Variants in PTH2R observed in about 807,000 individuals in gnomAD.
PTH2R encodes the protein PTH2 receptor.
PTH2R carries 59 observed loss-of-function variants against 60.3 expected under a neutral mutation model. That is an observed-to-expected ratio of 0.98 (90% CI 0.79 to 1.22). The LOEUF is 1.22. PTH2R is among the 50% of genes most tolerant of loss of function. The pLI, the probability that PTH2R is intolerant of heterozygous loss-of-function variation, is 0.00. For missense variants in PTH2R, 749 were observed against 682.6 expected (o/e 1.10, Z -1.08); for synonymous variants, 256 against 243.8 (o/e 1.05, Z -0.47).
At chr2:208,474,960 G>C (rs1702967416) in intron 9 of PTH2R, among the ~76,000 whole-genome samples, 1 of 152,176 alleles carries the variant, frequency 6.6e-6, no homozygotes, top group Non-Finnish European at 1.5e-5. Context: ...GGTAACAACT[G>C]TAAATAACTG....
chr2:208,393,763 T>C (rs977691369), intron 1 of PTH2R, among the ~76,000 whole-genome samples: 1 of 152,182 alleles, frequency 6.6e-6, no homozygotes, highest in Non-Finnish European at 1.5e-5. Context: ...ATCAGAAAAT[T>C]GGCCTAAGTC....
intron 1 of PTH2R, among the ~76,000 whole-genome samples, chr2:208,427,811 A>G (rs1019617698): frequency 2.0e-5 from 3 of 151,502 alleles, no homozygotes; most frequent in African/African-American, 7.3e-5. Flanking sequence ...GAATTATAAT[A>G]TTGCAGGAAA....
At chr2:208,428,925 A>G (rs1701914158) in intron 2 of PTH2R, among the ~76,000 whole-genome samples, 1 of 152,086 alleles carries the variant, frequency 6.6e-6, no homozygotes, top group East Asian at 1.9e-4. Flanking sequence ...TCTCTACTAA[A>G]AATGCAAAAA....
intron 2 of PTH2R, among the ~76,000 whole-genome samples, chr2:208,428,597 T>G (rs890949543): frequency 6.6e-6 from 1 of 152,232 alleles, no homozygotes; most frequent in African/African-American, 2.4e-5. Flanking sequence ...GTAGAGAGCA[T>G]GCATACTGAT....
At chr2:208,360,984 G>T in intron 1 of PTH2R, 1 of 227,026 alleles carries the variant, frequency 4.4e-6, no homozygotes, top group South Asian at 7.4e-5. Flanking sequence ...TGAGGATGGT[G>T]GAGCCAATGG....
chr2:208,412,940 C>G (rs913925245), intron 1 of PTH2R, among the ~76,000 whole-genome samples: 1 of 152,028 alleles, frequency 6.6e-6, no homozygotes, highest in African/African-American at 2.4e-5. Flanking sequence ...TGACATTATA[C>G]AATCCACTTT....
upstream of PTH2R, among the ~76,000 whole-genome samples, chr2:208,402,035 T>C (rs1022939661): frequency 1.3e-5 from 2 of 152,200 alleles, no homozygotes; most frequent in East Asian, 1.9e-4. Context: ...ATACCATTCA[T>C]TGCAATGCCA....
rs150733036 is a variant in PTH2R at position 208,393,838 on chromosome 2, T to G, written c.-259+33601T>G. On this transcript the variant is annotated intron_variant, in intron 1 of 12. Transcript: ENST00000617735. ...TTGAACCCTTATGGCACCACTCCCA[T>G]CAGGCATTTCCTGCAGAGGTAAGAG... 2.1e-3 allele frequency among the ~76,000 whole-genome samples: 314 copies of G among 152,252 alleles called. 2 individuals are homozygous for G. The highest frequency in any genetic ancestry group is 7.2e-3 in the African/African-American group (299 of 41,540).
chr2:208,485,254 A>C (rs1217675795), intron 10 of PTH2R, among the ~76,000 whole-genome samples: 6 of 152,128 alleles, frequency 3.9e-5, no homozygotes, highest in Admixed American at 3.9e-4. Context: ...CAGAATTAGG[A>C]ATCTATTTTC....
chr2:208,434,245 G>A (rs535886876), intron 2 of PTH2R, among the ~76,000 whole-genome samples: 3 of 152,148 alleles, frequency 2.0e-5, no homozygotes, highest in East Asian at 3.9e-4. Flanking sequence ...CTCGGGAGGC[G>A]GAGGTTGCAG....
chr2:208,428,930 C>T (rs974346245), intron 2 of PTH2R, among the ~76,000 whole-genome samples: 6 of 151,996 alleles, frequency 3.9e-5, no homozygotes, highest in African/African-American at 1.4e-4. Context: ...ACTAAAAATG[C>T]AAAAATTAGC....
chr2:208,473,680 T>C (rs1702933859), intron 9 of PTH2R, among the ~76,000 whole-genome samples: 1 of 152,202 alleles, frequency 6.6e-6, no homozygotes, highest in South Asian at 2.1e-4. Context: ...TTTCCTAGAA[T>C]GCCTGACCTT....
upstream of PTH2R, among the ~76,000 whole-genome samples, chr2:208,404,123 A>T (rs1165248936): frequency 6.6e-6 from 1 of 152,212 alleles, no homozygotes; most frequent in Non-Finnish European, 1.5e-5. Flanking sequence ...AGGGGAGAAC[A>T]GAGAGAAGAA....
In PTH2R at chr2:208,459,901, G is replaced by T. The variant is rs1702597899; in HGVS notation, c.921G>T (p.Trp307Cys). 6.2e-7 allele frequency: 1 copy of T among 1,611,822 alleles called. No individual in the cohort carries two copies. Among genetic ancestry groups the T allele is most frequent in the Non-Finnish European group, 8.5e-7 (1 of 1,178,886 alleles). Residue 307 changes from tryptophan to cysteine, a missense_variant, in exon 9 of 13, where the codon TGG (tryptophan) becomes TGT (cysteine). Transcript: ENST00000272847. ...ARATLADARC[W>C]ELSAGDIKWI... ...CTTTTTTTCAATGTCTCAGGTGCTG[G>T]GAACTTAGTGCTGGAGACATCAAGT...
In PTH2R at chr2:208,472,173, C is replaced by T. The variant is rs74324185; in HGVS notation, c.982-8897C>T. Among the ~76,000 whole-genome samples the T allele has an allele frequency of 3.9e-3, 598 of 152,256 alleles. 4 individuals carry two copies. Among genetic ancestry groups the T allele is most frequent in the African/African-American group, 0.013 (554 of 41,538 alleles). On this transcript the variant is annotated intron_variant, in intron 9 of 12. Transcript: ENST00000272847. ...CTTGGATAAGGCTTTGGAATGTGGACTTTGAGCTGTTGCTGAAATGAGTTA... is the reference window on the plus strand; with the variant it reads ...CTTGGATAAGGCTTTGGAATGTGGATTTTGAGCTGTTGCTGAAATGAGTTA...
intron 2 of PTH2R, among the ~76,000 whole-genome samples, chr2:208,436,285 G>A (rs981566528): frequency 2.9e-4 from 29 of 101,156 alleles, no homozygotes; most frequent in African/African-American, 6.6e-4. Flanking sequence ...TATGAAGGAG[G>A]TAAGGGAATA....
intron 2 of PTH2R, among the ~76,000 whole-genome samples, chr2:208,433,501 T>C (rs1300802213): frequency 6.6e-5 from 10 of 152,246 alleles, no homozygotes; most frequent in African/African-American, 1.7e-4. Context: ...GTCTATACTT[T>C]AGAAATCTGT....
intron 10 of PTH2R, among the ~76,000 whole-genome samples, chr2:208,486,758 A>G (rs1703282787): frequency 6.6e-6 from 1 of 152,216 alleles, no homozygotes; most frequent in South Asian, 2.1e-4. Context: ...CAGGAGAACA[A>G]GCACATCCCA....
chr2:208,396,407 G>A (rs1357681934), intron 1 of PTH2R, among the ~76,000 whole-genome samples: 1 of 152,020 alleles, frequency 6.6e-6, no homozygotes, highest in Non-Finnish European at 1.5e-5. Context: ...TTTGCAATCT[G>A]CCCATCTGAC....
Sources: gnomAD v4.1 joint callset for allele counts (sites outside exome capture counted in the v4.1 genomes callset) on GRCh38, gnomAD v4.1.1 for gene constraint, MANE v1.5 for transcripts, NCBI Gene and HGNC (gene_info 2026-07-23, HGNC 2026-07-21) for gene names.